R3HDM2: variants seen among roughly 807,000 people sequenced by gnomAD.
The protein encoded by R3HDM2 is R3H domain-containing protein 2.
In R3HDM2, 38 loss-of-function variants were observed where a neutral mutation model predicts 124.5. The observed-to-expected ratio is 0.31, with a 90% CI of 0.24 to 0.40. The LOEUF (loss-of-function observed/expected upper bound fraction) is 0.40, where lower values mean the gene tolerates loss of function less well. Ranked by LOEUF, R3HDM2 falls within the 10% of genes least tolerant of loss-of-function variation. The pLI is 1.00. For synonymous variants in R3HDM2, 391 were observed against 448.0 expected (o/e 0.87, Z 1.61); for missense variants, 869 against 1,236.9 (o/e 0.70, Z 4.46).
In R3HDM2 at chr12:57,424,767, C is replaced by A. The variant is rs140634109; in HGVS notation, c.-106+5953G>T. Reference sequence around the variant, plus strand: ...TCACCCAGGCCAGAGTATGGTGGCACAATCATAGCTCACTGCAGCTGCAAA... The same window carrying A: ...TCACCCAGGCCAGAGTATGGTGGCAAAATCATAGCTCACTGCAGCTGCAAA... On this transcript the variant is annotated intron_variant, in intron 1 of 23. Coordinates refer to ENST00000402412, the MANE Select transcript of R3HDM2 (RefSeq NM_001394031.1). 1.4e-3 allele frequency among the ~76,000 whole-genome samples: 216 copies of A among 152,130 alleles called. 2 individuals carry two copies. Among genetic ancestry groups the A allele is most frequent in the African/African-American group, 4.9e-3 (205 of 41,474 alleles).
chr12:57,344,816 C>T (rs978421022), intron 2 of R3HDM2, among the ~76,000 whole-genome samples: 1 of 151,806 alleles, frequency 6.6e-6, no homozygotes, highest in African/African-American at 2.4e-5. Context: ...AAAACTTCTC[C>T]TGTTTTTTTG....
At chr12:57,258,511 A>AT (rs942830824) in intron 20 of R3HDM2, among the ~76,000 whole-genome samples, 1 of 151,520 alleles carries the variant, frequency 6.6e-6, no homozygotes, top group South Asian at 2.1e-4. Flanking sequence ...CGCCTGGCTA[A>AT]TTTTTTTATT....
intron 10 of R3HDM2, 143 bp from the exon 11 acceptor site, chr12:57,292,810 G>A: frequency 1.5e-6 from 1 of 646,390 alleles, no homozygotes; most frequent in Non-Finnish European, 2.7e-6. Flanking sequence ...TCCAGTCCTG[G>A]AGAAGTTTCA....
At chr12:57,258,799 TA>T in intron 20 of R3HDM2, 90 bp downstream of exon 20, 1 of 1,228,984 alleles carries the variant, frequency 8.1e-7, no homozygotes, top group Non-Finnish European at 1.1e-6. Context: ...AAAAGACATG[TA>T]AAAGAGGCTG....
chr12:57,337,135 T>C (rs1195215381), intron 2 of R3HDM2, among the ~76,000 whole-genome samples: 1 of 151,628 alleles, frequency 6.6e-6, no homozygotes, highest in Non-Finnish European at 1.5e-5. Context: ...TCTCTTTCTC[T>C]CTTTTTGTTG....
In R3HDM2 at chr12:57,283,867, G is replaced by T. The variant is rs1019155374; in HGVS notation, c.1128C>A (p.Ile376=). The stretch of plus-strand genomic sequence containing the variant: ...CCGCACTGCCGCCTTTACTGCTGCC[G>T]ATGCTGTCACCTCGGGTAAGGATAG... ...GISILTRGDS[I]GSSKGGSAGR... The change falls in exon 13 of 24, where the codon ATC becomes ATA. Residue 376 remains isoleucine (I), a synonymous_variant. Coordinates refer to ENST00000402412, the MANE Select transcript of R3HDM2 (RefSeq NM_001394031.1). 6.2e-7 allele frequency: 1 copy of T among 1,614,108 alleles called. No homozygotes were observed. Among genetic ancestry groups the T allele is most frequent in the African/African-American group, 1.3e-5 (1 of 74,926 alleles).
At chr12:57,349,379 C>CAAAAAAAAAAAAAAAAAAA (rs1161831845) in intron 2 of R3HDM2, among the ~76,000 whole-genome samples, 3 of 57,776 alleles carry the variant, frequency 5.2e-5, no homozygotes, top group African/African-American at 1.9e-4. Flanking sequence ...ACTCCGTCTC[C>CAAAAAAAAAAAAAAAAAAA]AAAAAAAAAA....
chr12:57,366,181 C>T (rs1318112429), intron 2 of R3HDM2, among the ~76,000 whole-genome samples: 1 of 152,044 alleles, frequency 6.6e-6, no homozygotes, highest in Non-Finnish European at 1.5e-5. Flanking sequence ...TAGAGACAGG[C>T]TCTCTCTCTG....
chr12:57,348,976 C>T (rs2060370020), intron 2 of R3HDM2, among the ~76,000 whole-genome samples: 1 of 152,076 alleles, frequency 6.6e-6, no homozygotes, highest in South Asian at 2.1e-4. Flanking sequence ...AATTTGGGTA[C>T]ATAAAGCATT....
chr12:57,405,510 T>C (rs2139135211), intron 1 of R3HDM2, among the ~76,000 whole-genome samples: 1 of 152,156 alleles, frequency 6.6e-6, no homozygotes, highest in South Asian at 2.1e-4. Context: ...TGGTGTGTGC[T>C]GTAGTCTCAG....
chr12:57,269,531 T>C (rs142676125), intron 15 of R3HDM2, 82 bp from the exon 16 acceptor site: 20 of 1,545,146 alleles, frequency 1.3e-5, no homozygotes, highest in Middle Eastern at 1.7e-4. Flanking sequence ...TGCCTCAAGA[T>C]TGATGGCCAG....
At chr12:57,269,553 C>A (rs908040318) in intron 15 of R3HDM2, 104 bp from the exon 16 acceptor site, 2 of 1,501,262 alleles carry the variant, frequency 1.3e-6, no homozygotes, top group African/African-American at 1.4e-5. Flanking sequence ...AATATGTAAA[C>A]GGAGATATTT....
Position 57,425,636 on chromosome 12 carries a change from C to CA in R3HDM2, c.-106+5083dup, listed in dbSNP as rs1034825692. ...CCAACATGGTGAAACCCTGTCTCTACAAAAAAACAAAAATTAGCCGGGCAT... is the reference window on the plus strand; with the variant it reads ...CCAACATGGTGAAACCCTGTCTCTACAAAAAAAACAAAAATTAGCCGGGCAT... On this transcript the variant is annotated intron_variant, in intron 1 of 23. Coordinates refer to ENST00000402412, the MANE Select transcript of R3HDM2 (RefSeq NM_001394031.1). 2.6e-5 allele frequency among the ~76,000 whole-genome samples: 4 copies of CA among 151,238 alleles called. No homozygotes were observed. The East Asian group carries it at 5.9e-4, about 22-fold the overall frequency.
chr12:57,402,621 T>G (rs1317614175), intron 1 of R3HDM2, among the ~76,000 whole-genome samples: 1 of 151,982 alleles, frequency 6.6e-6, no homozygotes. Flanking sequence ...ATACAAAAAT[T>G]AGCCAGGCGT....
chr12:57,411,519 C>A (rs370274028), intron 1 of R3HDM2, among the ~76,000 whole-genome samples: 4 of 152,204 alleles, frequency 2.6e-5, no homozygotes, highest in African/African-American at 7.2e-5. Flanking sequence ...ACCTTCTGTG[C>A]AGCTTATTTA....
intron 6 of R3HDM2, 109 bp from the exon 7 acceptor site, chr12:57,298,277 C>A: frequency 2.5e-6 from 2 of 807,018 alleles, no homozygotes. Flanking sequence ...AATAGGAAAG[C>A]AAAATCAAAC....
At chr12:57,290,821 A>T (rs2048415814) in intron 11 of R3HDM2, among the ~76,000 whole-genome samples, 1 of 152,164 alleles carries the variant, frequency 6.6e-6, no homozygotes, top group Admixed American at 6.5e-5. Context: ...CATGATGGTC[A>T]GGTTGGTCTC....
At chr12:57,290,292 G>T (rs761969991) in intron 11 of R3HDM2, among the ~76,000 whole-genome samples, 6 of 152,224 alleles carry the variant, frequency 3.9e-5, no homozygotes, top group Non-Finnish European at 8.8e-5. Flanking sequence ...CAGATAGTCA[G>T]CTAGGTTACG....
At chr12:57,424,521 C>G (rs896594521) in intron 1 of R3HDM2, among the ~76,000 whole-genome samples, 6 of 152,118 alleles carry the variant, frequency 3.9e-5, no homozygotes, top group Non-Finnish European at 8.8e-5. Context: ...TTACTTTCCT[C>G]CTAGTCTTCT....
Sources: allele counts gnomAD v4.1 joint callset (sites outside exome capture counted in the v4.1 genomes callset), GRCh38; gene constraint gnomAD v4.1.1; transcripts MANE v1.5; gene names NCBI Gene and HGNC (gene_info 2026-07-23, HGNC 2026-07-21).